NRG1: variants seen among roughly 807,000 people sequenced by gnomAD.
The protein encoded by NRG1 is pro-neuregulin-1, membrane-bound isoform.
In NRG1, 18 loss-of-function variants were observed where a neutral mutation model predicts 63.8. That is an observed-to-expected ratio of 0.28 (90% confidence interval 0.19 to 0.42). The LOEUF is 0.42. Ranked by LOEUF, NRG1 falls within the 10% of genes least tolerant of loss-of-function variation. The pLI is 1.00. For missense variants in NRG1, 762 were observed against 814.7 expected (o/e 0.94, Z 0.79); for synonymous variants, 302 against 301.3 (o/e 1.00, Z -0.02).
intron 11 of NRG1, among the ~76,000 whole-genome samples, chr8:32,762,391 C>T (rs1470460328): frequency 6.6e-6 from 1 of 152,014 alleles, no homozygotes; most frequent in East Asian, 1.9e-4. Context: ...TCTAGGACTA[C>T]GAAATATTCC....
chr8:31,817,303 A>G (rs940865781), intron 1 of NRG1, among the ~76,000 whole-genome samples: 2 of 152,206 alleles, frequency 1.3e-5, no homozygotes, highest in African/African-American at 4.8e-5. Context: ...GAGACTCCTA[A>G]CAGGGCTCCC....
At chr8:32,612,321 G>A (rs1427205974) in intron 3 of NRG1, among the ~76,000 whole-genome samples, 2 of 152,034 alleles carry the variant, frequency 1.3e-5, no homozygotes, top group Non-Finnish European at 2.9e-5. Context: ...ACATAAAAAT[G>A]CTTGCTGAGT....
chr8:32,123,467 CTG>C (rs1256956278), intron 1 of NRG1, among the ~76,000 whole-genome samples: 8 of 151,922 alleles, frequency 5.3e-5, no homozygotes, highest in African/African-American at 1.4e-4. Flanking sequence ...CCATGTAGAA[CTG>C]TGAGTCAATT....
At chr8:31,804,461 C>T (rs1563422110) in intron 1 of NRG1, among the ~76,000 whole-genome samples, 1 of 152,128 alleles carries the variant, frequency 6.6e-6, no homozygotes, top group African/African-American at 2.4e-5. Context: ...CCTAATATAC[C>T]TCTCAGGCCT....
chr8:31,673,886 TGAAGCCAACA>T (rs61574968), intron 1 of NRG1, among the ~76,000 whole-genome samples: 61,359 of 151,974 alleles, frequency 0.4, 13,432 homozygotes, highest in Non-Finnish European at 0.49. Flanking sequence ...TAGAGTTGTA[TGAAGCCAACA>T]CCATAATCTA....
At chr8:31,987,411 C>T (rs1215939388) in intron 1 of NRG1, among the ~76,000 whole-genome samples, 1 of 148,954 alleles carries the variant, frequency 6.7e-6, no homozygotes, top group African/African-American at 2.5e-5. Context: ...ACTATGCAGC[C>T]ATAAAAAAGA....
chr8:32,716,032 T>C (rs1819129210), intron 5 of NRG1, among the ~76,000 whole-genome samples: 1 of 152,172 alleles, frequency 6.6e-6, no homozygotes, highest in African/African-American at 2.4e-5. Context: ...TGTTTTCTGC[T>C]TAGAGGCATC....
chr8:32,657,142 G>C (rs1801689345), intron 5 of NRG1, among the ~76,000 whole-genome samples: 1 of 151,664 alleles, frequency 6.6e-6, no homozygotes, highest in South Asian at 2.1e-4. Context: ...AAAGATGAGA[G>C]CAACACTGAA....
chr8:31,779,552 A>G (rs1432294068), intron 1 of NRG1, among the ~76,000 whole-genome samples: 1 of 152,210 alleles, frequency 6.6e-6, no homozygotes, highest in African/African-American at 2.4e-5. Context: ...ACTGTAATAG[A>G]AAAAGCAGTT....
intron 5 of NRG1, among the ~76,000 whole-genome samples, chr8:32,659,120 C>T (rs1259768285): frequency 6.6e-6 from 1 of 150,734 alleles, no homozygotes; most frequent in African/African-American, 2.4e-5. Context: ...TGTAGAATGG[C>T]AGTAATAAAT....
At chr8:31,966,437 A>G (rs1433332094) in intron 1 of NRG1, among the ~76,000 whole-genome samples, 1 of 152,388 alleles carries the variant, frequency 6.6e-6, no homozygotes. Flanking sequence ...AAAAACCTGC[A>G]TGAAGACATT....
chr8:32,147,079 T>G (rs1424621495), intron 1 of NRG1, among the ~76,000 whole-genome samples: 1 of 152,202 alleles, frequency 6.6e-6, no homozygotes, highest in Non-Finnish European at 1.5e-5. Flanking sequence ...CTCTTTTCTT[T>G]CTTTAGATCA....
At chr8:32,108,239 C>G (rs552003223) in intron 1 of NRG1, among the ~76,000 whole-genome samples, 9 of 152,078 alleles carry the variant, frequency 5.9e-5, no homozygotes, top group Non-Finnish European at 1.2e-4. Flanking sequence ...CTATTTTAGT[C>G]CATTTGTGCT....
chr8:31,726,044 G>T (rs1302473553), intron 1 of NRG1, among the ~76,000 whole-genome samples: 1 of 152,008 alleles, frequency 6.6e-6, no homozygotes, highest in East Asian at 1.9e-4. Context: ...AATATTTAAT[G>T]CAACAAGCAT....
intron 1 of NRG1, among the ~76,000 whole-genome samples, chr8:32,305,612 C>T (rs1856103254): frequency 6.6e-6 from 1 of 152,168 alleles, no homozygotes; most frequent in African/African-American, 2.4e-5. Context: ...AGCTTTGTCT[C>T]TTCACCAGCC....
chr8:32,664,989 A>G, intron 5 of NRG1, among the ~76,000 whole-genome samples: 1 of 152,156 alleles, frequency 6.6e-6, no homozygotes, highest in East Asian at 1.9e-4. Context: ...GCTCAGTTAA[A>G]TAATATTAAT....
chr8:32,640,620 GCA>G (rs58796067), intron 5 of NRG1, among the ~76,000 whole-genome samples: 14,849 of 131,978 alleles, frequency 0.11, 838 homozygotes, highest in African/African-American at 0.18. Context: ...TCTCAGACCC[GCA>G]CACACACACA....
chr8:32,048,446 C>CATAT (rs869311093), intron 1 of NRG1, among the ~76,000 whole-genome samples: 340 of 6,524 alleles, frequency 0.052, 6 homozygotes, highest in African/African-American at 0.056. Context: ...TATATACATA[C>CATAT]ATATATATAT....
chr8:32,298,874 A>C (rs1178452352), intron 1 of NRG1, among the ~76,000 whole-genome samples: 1 of 150,700 alleles, frequency 6.6e-6, no homozygotes, highest in East Asian at 2.0e-4. Context: ...TAAAAACACA[A>C]AAATTAGCTG....
Sources: allele counts gnomAD v4.1 joint callset (sites outside exome capture counted in the v4.1 genomes callset), GRCh38; gene constraint gnomAD v4.1.1; transcripts MANE v1.5; gene names NCBI Gene and HGNC (gene_info 2026-07-23, HGNC 2026-07-21).